Variants in CACNA1B observed in about 807,000 individuals in gnomAD.
CACNA1B encodes the protein calcium voltage-gated channel subunit alpha1 B.
CACNA1B carries 70 observed loss-of-function variants against 247.2 expected under a neutral mutation model. The observed-to-expected ratio is 0.28, with a 90% confidence interval of 0.23 to 0.35. The LOEUF is 0.35. Among genes scored for constraint, CACNA1B ranks in the 10% least tolerant of loss-of-function variants. CACNA1B has a pLI of 1.00. For missense variants in CACNA1B, 2,367 were observed against 3,197.4 expected (o/e 0.74, Z 6.26); for synonymous variants, 1,231 against 1,294.4 (o/e 0.95, Z 1.05).
Position 138,049,269 on chromosome 9 carries a change from C to A in CACNA1B, c.3664C>A (p.Leu1222Met). Residue 1222 changes from leucine (L) to methionine (M), a missense_variant, in exon 24 of 47, where the codon CTG (leucine) becomes ATG (methionine). By Grantham distance (15) the Leu-to-Met change is conservative (BLOSUM62 2). Transcript: ENST00000371372. ...CTATTTCCGGGACTTGTGGAACATT[C>A]TGGACTTCATTGTGGTCAGTGGCGC... The part of the protein sequence containing the change: ...GAYFRDLWNI[L>M]DFIVVSGALV... 6.2e-7 allele frequency: 1 copy of A among 1,613,774 alleles called. No individual in the cohort carries two copies. The highest frequency in any genetic ancestry group is 8.5e-7 in the Non-Finnish European group (1 of 1,179,620).
chr9:138,067,738 G>A (rs555638204), intron 31 of CACNA1B, among the ~76,000 whole-genome samples: 5 of 152,290 alleles, frequency 3.3e-5, no homozygotes, highest in Admixed American at 2.0e-4. Context: ...GCTGGTGGGC[G>A]TGCCAGCCAG....
rs1444457821 is a variant in CACNA1B at position 137,917,816 on chromosome 9, CCT to C, written c.966+389_966+390del. ...GGGAAGTGTTTTATTCCTGTTGACTCCTCTCAGGAACCTGTTGCACAGATGAT... is the reference window on the plus strand; with the variant it reads ...GGGAAGTGTTTTATTCCTGTTGACTCCTCAGGAACCTGTTGCACAGATGAT... On this transcript the variant is annotated intron_variant, in intron 6 of 46. Transcript: ENST00000371372. This position sits in a 1 kb window ranked among gnomAD's most constrained non-coding sequence, Gnocchi z 5.5. Among the ~76,000 whole-genome samples the C allele has an allele frequency of 6.6e-6, 1 of 152,248 alleles. No homozygotes were observed. Among genetic ancestry groups the C allele is most frequent in the African/African-American group, 2.4e-5 (1 of 41,458 alleles).
chr9:138,108,711 CGATCTTG>C (rs1186685984), intron 39 of CACNA1B, among the ~76,000 whole-genome samples: 1 of 151,794 alleles, frequency 6.6e-6, no homozygotes, highest in Non-Finnish European at 1.5e-5. Context: ...TGCAGTGGCA[CGATCTTG>C]GCTCACTACA....
At chr9:137,939,310 T>C (rs867689070) in intron 6 of CACNA1B, among the ~76,000 whole-genome samples, 1 of 152,186 alleles carries the variant, frequency 6.6e-6, no homozygotes, top group Middle Eastern at 3.4e-3. Context: ...ACCATATAAA[T>C]AGGCCACAAA....
Position 138,122,339 on chromosome 9 carries a change from CGTT to C in CACNA1B, c.*343_*345del. 1 of 349,948 alleles carries C rather than the reference CGTT, an allele frequency of 2.9e-6. No homozygotes were observed. The highest frequency in any genetic ancestry group is 4.7e-5 in the South Asian group (1 of 21,484). The allele number at this position is 349,948 out of a possible 1,614,324, so 21.7% of individuals were successfully genotyped here. A position where few individuals can be genotyped will look rare whatever the true frequency, so the allele number is the denominator to read the frequency against. ...AGCATCCAGCATGGGTGCTTGGAGC[CGTT>C]GTGAGGAGCTCTGCGTCCTGTGGGG... On this transcript the variant is annotated 3_prime_UTR_variant, in exon 47 of 47. Transcript: ENST00000371372.
At chr9:137,910,136 T>C (rs576546646) in intron 3 of CACNA1B, among the ~76,000 whole-genome samples, 6 of 152,314 alleles carry the variant, frequency 3.9e-5, no homozygotes, top group Admixed American at 2.0e-4. Flanking sequence ...ACTTCCCTAA[T>C]GATTAGTGAT....
In CACNA1B at chr9:138,014,055, AACACG is replaced by A. The variant is rs1427505350; in HGVS notation, c.2267+821_2267+825del. On this transcript the variant is annotated intron_variant, in intron 18 of 46. Coordinates refer to ENST00000371372, the MANE Select transcript of CACNA1B (RefSeq NM_000718.4). This position sits in a 1 kb window ranked among gnomAD's most constrained non-coding sequence, Gnocchi z 6.2. ...TCAGCCGGCCACCCGCCCTGCCGTGAACACGGAACACAGGGCCGGGTGCAGCCACA... is the reference window on the plus strand; with the variant it reads ...TCAGCCGGCCACCCGCCCTGCCGTGAGAACACAGGGCCGGGTGCAGCCACA... Among the ~76,000 whole-genome samples the A allele has an allele frequency of 6.6e-6, 1 of 152,242 alleles. No individual in the cohort carries two copies. The highest frequency in any genetic ancestry group is 2.4e-5 in the African/African-American group (1 of 41,474).
Position 138,010,356 on chromosome 9 carries a change from G to A in CACNA1B, c.2160+279G>A, listed in dbSNP as rs1023600945. 2.0e-5 allele frequency among the ~76,000 whole-genome samples: 3 copies of A among 152,208 alleles called. No individual in the cohort carries two copies. The highest frequency in any genetic ancestry group is 7.2e-5 in the African/African-American group (3 of 41,440). On this transcript the variant is annotated intron_variant, in intron 17 of 46. Transcript: ENST00000371372. This position sits in a 1 kb window ranked among gnomAD's most constrained non-coding sequence, Gnocchi z 5.3. ...GGTGTGCTGGGAGCAGGAGGGGCCTGAGCAGGAGGAGCAGCTGGTGGCCCT... is the reference window on the plus strand; with the variant it reads ...GGTGTGCTGGGAGCAGGAGGGGCCTAAGCAGGAGGAGCAGCTGGTGGCCCT...
At chr9:137,985,347 C>T (rs1958344323) in intron 13 of CACNA1B, among the ~76,000 whole-genome samples, 1 of 152,166 alleles carries the variant, frequency 6.6e-6, no homozygotes, top group South Asian at 2.1e-4. Flanking sequence ...TGTTGCCTTC[C>T]CAGAACTTGC....
intron 8 of CACNA1B, 66 bp from the exon 9 acceptor site, chr9:137,956,705 T>C: frequency 7.5e-7 from 1 of 1,331,248 alleles, no homozygotes; most frequent in Non-Finnish European, 1.1e-6. Context: ...GACAGAGATG[T>C]GCCTCTGTCC....
intron 39 of CACNA1B, among the ~76,000 whole-genome samples, chr9:138,107,602 T>C (rs1187677457): frequency 6.6e-6 from 1 of 152,110 alleles, no homozygotes; most frequent in Admixed American, 6.6e-5. Context: ...GGCTCTCAGC[T>C]GTTGCTGCAG....
chr9:138,056,542 C>T lies in CACNA1B; in HGVS notation c.3969-1190C>T, dbSNP rs115011466. Among the ~76,000 whole-genome samples, 1,387 of 152,210 alleles carry T rather than the reference C, an allele frequency of 9.1e-3. 23 individuals carry two copies. The highest frequency in any genetic ancestry group is 0.032 in the African/African-American group (1,334 of 41,510). On this transcript the variant is annotated intron_variant, in intron 26 of 46. Coordinates refer to ENST00000371372, the MANE Select transcript of CACNA1B (RefSeq NM_000718.4). ...TGATGCTGTTGTATACATTTATGTC[C>T]ACATTTTTGTGTGGGTCTGTTTTTG... is the stretch of plus-strand genomic sequence containing the variant.
At chr9:137,969,313 G>A (rs182188852) in intron 10 of CACNA1B, among the ~76,000 whole-genome samples, 39 of 152,372 alleles carry the variant, frequency 2.6e-4, no homozygotes, top group African/African-American at 8.9e-4. Context: ...TCTGGGGAGT[G>A]TGGTTCTGTG....
At position 137,882,433 on chromosome 9, in the gene CACNA1B, G is replaced by T. The variant is rs1451156983; in HGVS notation, c.391-311G>T. Among the ~76,000 whole-genome samples, 1 of 152,218 alleles carries T rather than the reference G, an allele frequency of 6.6e-6. No individual in the cohort carries two copies. The highest frequency in any genetic ancestry group is 1.5e-5 in the Non-Finnish European group (1 of 68,036). On this transcript the variant is annotated intron_variant, in intron 2 of 46. Transcript: ENST00000371372. The surrounding 1 kb of genome is among the most constrained non-coding windows in gnomAD (Gnocchi z 4.0). ...GCATGGTGCTAGCAGGGAGATTGGGGCCCCACTGTGACGTGGGCAGAAGCT... is the reference window on the plus strand; with the variant it reads ...GCATGGTGCTAGCAGGGAGATTGGGTCCCCACTGTGACGTGGGCAGAAGCT...
At chr9:138,094,066 A>G (rs1282405028) in intron 36 of CACNA1B, among the ~76,000 whole-genome samples, 5 of 152,232 alleles carry the variant, frequency 3.3e-5, no homozygotes, top group Non-Finnish European at 7.3e-5. Flanking sequence ...ATGAACATTC[A>G]ATGGACTATA....
In CACNA1B at chr9:138,122,125, C is replaced by A; in HGVS notation, c.*126C>A. ...GCCCACCTTGGTGAGGCTCCTGTGG[C>A]CCCTCCCTCCCCCTCCTCCCCTCTT... On this transcript the variant is annotated 3_prime_UTR_variant, in exon 47 of 47. Transcript: ENST00000371372. 2 of 726,382 alleles carry A rather than the reference C, an allele frequency of 2.8e-6. No individual in the cohort carries two copies. The highest frequency in any genetic ancestry group is 4.4e-6 in the Non-Finnish European group (2 of 450,968). The allele number at this position is 726,382 out of a possible 1,614,324, so 45.0% of individuals were successfully genotyped here.
intron 35 of CACNA1B, among the ~76,000 whole-genome samples, chr9:138,076,196 C>T (rs1392372497): frequency 6.6e-6 from 1 of 152,190 alleles, no homozygotes; most frequent in East Asian, 1.9e-4. Context: ...CGTCTGTGCT[C>T]CCTGGCGACA....
rs1957886764 is a variant in CACNA1B at position 137,952,318 on chromosome 9, C to T, written c.1011C>T (p.Ile337=). The change falls in exon 7 of 47, where the codon ATC becomes ATT. Residue 337 remains isoleucine, a synonymous_variant. Coordinates refer to ENST00000371372, the MANE Select transcript of CACNA1B (RefSeq NM_000718.4). This position sits in a 1 kb window ranked among gnomAD's most constrained non-coding sequence, Gnocchi z 4.8. ...ACACCTGGAACTGGCTCTACTTCAT[C>T]CCTCTCATCATCATCGGCTCCTTCT... is the stretch of plus-strand genomic sequence containing the variant. ...AGNTWNWLYF[I]PLIIIGSFFM... 6.2e-7 allele frequency: 1 copy of T among 1,613,674 alleles called. No homozygotes were observed. The highest frequency in any genetic ancestry group is 1.7e-5 in the Admixed American group (1 of 59,982).
At position 137,880,288 on chromosome 9, in the gene CACNA1B, C is replaced by T. The variant is rs964419709; in HGVS notation, c.390+1129C>T. 8.5e-5 allele frequency among the ~76,000 whole-genome samples: 13 copies of T among 152,194 alleles called. No individual in the cohort carries two copies. The highest frequency in any genetic ancestry group is 2.1e-4 in the South Asian group (1 of 4,824). ...CTGGAATGCCCAGTGGTCTGGGTTA[C>T]GGCCGGGTGAGGAGGAGGAGCATGG... On this transcript the variant is annotated intron_variant, in intron 2 of 46. Transcript: ENST00000371372. The surrounding 1 kb of genome is among the most constrained non-coding windows in gnomAD (Gnocchi z 4.8).
Sources: gnomAD v4.1 joint callset for allele counts (sites outside exome capture counted in the v4.1 genomes callset) on GRCh38, gnomAD v4.1.1 for gene constraint, Gnocchi (gnomAD v3.1) non-coding constraint, MANE v1.5 for transcripts, NCBI Gene and HGNC (gene_info 2026-07-23, HGNC 2026-07-21) for gene names.